Variants in ZBTB20 observed in about 807,000 individuals in gnomAD.
ZBTB20 encodes the protein zinc finger and BTB domain-containing protein 20.
In ZBTB20, 9 loss-of-function variants were observed where a neutral mutation model predicts 56.9. The ratio of observed to expected loss-of-function variants is 0.16; its 90% CI spans 0.10 to 0.28. The LOEUF (loss-of-function observed/expected upper bound fraction) is 0.28. ZBTB20 is among the 10% of genes least tolerant of loss of function. The pLI is 1.00. For synonymous variants in ZBTB20, 417 were observed against 420.7 expected, an observed-to-expected ratio of 0.99 and a Z score of 0.11; for missense variants, 655 against 1,003.0, an observed-to-expected ratio of 0.65 and a Z score of 4.69.
chr3:114,715,137 T>C (rs916032529), intron 5 of ZBTB20, among the ~76,000 whole-genome samples: 8 of 152,230 alleles, frequency 5.3e-5, no homozygotes, highest in African/African-American at 1.9e-4. Context: ...TCACATGCCA[T>C]TCTGCTACAC....
Position 115,073,825 on chromosome 3 carries a change from A to T in ZBTB20, c.-702-2411T>A, listed in dbSNP as rs1014508851. 1.9e-3 allele frequency among the ~76,000 whole-genome samples: 30 copies of T among 15,466 alleles called. 1 individual carries two copies. Among genetic ancestry groups the T allele is most frequent in the African/African-American group, 4.0e-3 (30 of 7,470 alleles). The allele number at this position is 15,466 out of a possible 152,430, so 10.1% of individuals were successfully genotyped here. Reference sequence around the variant, plus strand: ...TATAAAATATTTTAAATTCAAACTTAATTCTAGTAAACTAAATAAATCCCT... The same window carrying T: ...TATAAAATATTTTAAATTCAAACTTTATTCTAGTAAACTAAATAAATCCCT... On this transcript the variant is annotated intron_variant, in intron 1 of 11. Transcript: ENST00000675478.
chr3:114,711,897 C>T (rs1325377598), intron 5 of ZBTB20, among the ~76,000 whole-genome samples: 2 of 152,082 alleles, frequency 1.3e-5, no homozygotes, highest in South Asian at 4.2e-4. Context: ...TTTGACGATG[C>T]GCTATATAAA....
At position 114,515,006 on chromosome 3, in the gene ZBTB20, A is replaced by G. The variant is rs80275421; in HGVS notation, c.-294-14615T>C. Among the ~76,000 whole-genome samples, 16 of 152,304 alleles carry G rather than the reference A, an allele frequency of 1.1e-4. No individual in the cohort carries two copies. In the East Asian group the frequency reaches 2.9e-3, roughly 28 times the overall value. On this transcript the variant is annotated intron_variant, in intron 6 of 11. Transcript: ENST00000675478. ...ATTAGCATTCTGTGATAATGGTGGTAATGACAGCTGCCTTAAATTAGTGGC... is the reference window on the plus strand; with the variant it reads ...ATTAGCATTCTGTGATAATGGTGGTGATGACAGCTGCCTTAAATTAGTGGC...
intron 6 of ZBTB20, among the ~76,000 whole-genome samples, chr3:114,644,028 T>C (rs1004520051): frequency 1.3e-5 from 2 of 151,984 alleles, no homozygotes; most frequent in East Asian, 1.9e-4. Flanking sequence ...ACAAATATTA[T>C]AAAATGAACA....
intron 5 of ZBTB20, among the ~76,000 whole-genome samples, chr3:114,751,950 A>G (rs1324873896): frequency 6.6e-6 from 1 of 152,118 alleles, no homozygotes; most frequent in Non-Finnish European, 1.5e-5. Flanking sequence ...TGTACTGGAC[A>G]AAATATATTT....
At chr3:114,980,717 A>G (rs1019806508) in intron 2 of ZBTB20, among the ~76,000 whole-genome samples, 10 of 151,950 alleles carry the variant, frequency 6.6e-5, no homozygotes, top group Non-Finnish European at 1.2e-4. Flanking sequence ...AAATATTAAT[A>G]ATTTTGAAAC....
Position 115,100,141 on chromosome 3 carries a change from AT to A in ZBTB20, c.-702-28728del, listed in dbSNP as rs11426047. ...ACAGAGGGGGCATTGAGGAAGCAGG[AT>A]TTTTTTTTTTTTAAGAAAGTTGTCT... On this transcript the variant is annotated intron_variant, in intron 1 of 11. Coordinates refer to ENST00000675478, the MANE Select transcript of ZBTB20 (RefSeq NM_001348800.3). 393 of 144,988 alleles carry A rather than the reference AT, an allele frequency of 2.7e-3. 1 individual carries two copies. The highest frequency in any genetic ancestry group is 0.012 in the Admixed American group (179 of 14,378). 9.0% of individuals were successfully genotyped at this position (144,988 alleles called of 1,614,324 possible). A position where few individuals can be genotyped will look rare whatever the true frequency, so the allele number is the denominator to read the frequency against.
chr3:114,736,760 AC>A (rs2066191068), intron 5 of ZBTB20, among the ~76,000 whole-genome samples: 1 of 152,112 alleles, frequency 6.6e-6, no homozygotes, highest in African/African-American at 2.4e-5. Flanking sequence ...CCCCAAAGAA[AC>A]AAACAAAAAA....
chr3:114,717,866 C>T (rs73857642), intron 5 of ZBTB20, among the ~76,000 whole-genome samples: 19,166 of 151,688 alleles, frequency 0.13, 1,899 homozygotes, highest in African/African-American at 0.27. Context: ...CGCTTCTTTT[C>T]CTCCTCGAAA....
chr3:114,842,116 T>C, intron 4 of ZBTB20, among the ~76,000 whole-genome samples: 1 of 152,124 alleles, frequency 6.6e-6, no homozygotes, highest in East Asian at 1.9e-4. Flanking sequence ...ATAAAAATAA[T>C]CTAGGTTTCA....
intron 6 of ZBTB20, among the ~76,000 whole-genome samples, chr3:114,552,184 C>T (rs968669515): frequency 2.6e-5 from 4 of 152,160 alleles, no homozygotes; most frequent in Admixed American, 6.6e-5. Context: ...TGCACTCCAG[C>T]CTGGGTGACG....
chr3:114,907,074 C>T (rs2075347506), intron 3 of ZBTB20, among the ~76,000 whole-genome samples: 1 of 151,790 alleles, frequency 6.6e-6, no homozygotes. Context: ...ATGCTGAAAA[C>T]TCAACCTTTG....
chr3:114,376,170 T>C (rs926266384), intron 10 of ZBTB20, among the ~76,000 whole-genome samples: 1 of 152,186 alleles, frequency 6.6e-6, no homozygotes, highest in African/African-American at 2.4e-5. Context: ...ATAATACGTA[T>C]AGATGGTTTT....
intron 2 of ZBTB20, among the ~76,000 whole-genome samples, chr3:115,008,732 T>C (rs992708216): frequency 1.3e-5 from 2 of 151,956 alleles, no homozygotes; most frequent in African/African-American, 4.8e-5. Flanking sequence ...CCCTGATCTA[T>C]GTAATGGCAA....
intron 2 of ZBTB20, among the ~76,000 whole-genome samples, chr3:115,067,612 C>T (rs2082255451): frequency 6.6e-6 from 1 of 151,874 alleles, no homozygotes; most frequent in Non-Finnish European, 1.5e-5. Context: ...CAGCACATCC[C>T]TCTGATACAG....
chr3:114,655,300 C>G (rs1167659503), intron 6 of ZBTB20, among the ~76,000 whole-genome samples: 1 of 131,806 alleles, frequency 7.6e-6, no homozygotes, highest in South Asian at 2.4e-4. Context: ...GGCCAGACTG[C>G]GGACTGCAGT....
intron 4 of ZBTB20, among the ~76,000 whole-genome samples, chr3:114,810,130 A>G (rs1167786462): frequency 6.6e-6 from 1 of 152,180 alleles, no homozygotes. Flanking sequence ...GCAGTTTACA[A>G]GTGTTTTTTT....
At chr3:114,430,560 T>C (rs955175241) in intron 7 of ZBTB20, among the ~76,000 whole-genome samples, 3 of 152,238 alleles carry the variant, frequency 2.0e-5, no homozygotes, top group Non-Finnish European at 4.4e-5. Context: ...TCTGCCACCT[T>C]GATGTTTAAA....
At chr3:114,813,117 GCCGAAGGGCT>G (rs2072675369) in intron 4 of ZBTB20, among the ~76,000 whole-genome samples, 1 of 152,230 alleles carries the variant, frequency 6.6e-6, no homozygotes, top group Admixed American at 6.5e-5. Flanking sequence ...GCAGCGGCGG[GCCGAAGGGCT>G]CCTAAAGTGC....
Sources: gnomAD v4.1 joint callset for allele counts (sites outside exome capture counted in the v4.1 genomes callset) on GRCh38, gnomAD v4.1.1 for gene constraint, MANE v1.5 for transcripts, NCBI Gene and HGNC (gene_info 2026-07-23, HGNC 2026-07-21) for gene names.